The following ZFAT variants were observed in gnomAD, a reference collection of about 807,000 sequenced individuals.
ZFAT encodes zinc finger and AT-hook domain containing.
In ZFAT, 64 loss-of-function variants were observed where a neutral mutation model predicts 117.7. That is an observed-to-expected ratio of 0.54 (90% CI 0.44 to 0.67). The LOEUF (loss-of-function observed/expected upper bound fraction) is 0.67. Among genes scored for constraint, ZFAT ranks in the 30% least tolerant of loss-of-function variants. ZFAT has a pLI of 0.00. For missense variants in ZFAT, 1,433 were observed against 1,584.5 expected (o/e 0.90, Z 1.62); for synonymous variants, 679 against 615.0 (o/e 1.10, Z -1.54).
chr8:134,698,187 G>A (rs542948961), intron 1 of ZFAT, among the ~76,000 whole-genome samples: 9 of 152,124 alleles, frequency 5.9e-5, no homozygotes, highest in South Asian at 4.2e-4. Flanking sequence ...TTAGCTGTGC[G>A]TGGTGGCAGA....
intron 12 of ZFAT, among the ~76,000 whole-genome samples, chr8:134,530,561 G>C (rs16905166): frequency 0.013 from 1,909 of 152,276 alleles, 36 homozygotes; most frequent in African/African-American, 0.044. Context: ...GGCCTCTTAA[G>C]AGTCAAGAGA....
intron 1 of ZFAT, among the ~76,000 whole-genome samples, chr8:134,685,004 A>T (rs1833250867): frequency 6.6e-6 from 1 of 152,204 alleles, no homozygotes; most frequent in Non-Finnish European, 1.5e-5. Context: ...ACTTCATGGC[A>T]CAAAGTGGCA....
chr8:134,690,703 T>A (rs1833545273), intron 1 of ZFAT, among the ~76,000 whole-genome samples: 1 of 152,006 alleles, frequency 6.6e-6, no homozygotes, highest in African/African-American at 2.4e-5. Flanking sequence ...CCTCAACCCA[T>A]CCCCAGCCTA....
At chr8:134,560,696 T>C (rs1204002315) in intron 11 of ZFAT, among the ~76,000 whole-genome samples, 1 of 152,150 alleles carries the variant, frequency 6.6e-6, no homozygotes, top group South Asian at 2.1e-4. Flanking sequence ...AAGAGTTGAA[T>C]AGCTAGATGG....
chr8:134,502,990 C>T (rs1819108140), intron 15 of ZFAT, among the ~76,000 whole-genome samples: 1 of 152,172 alleles, frequency 6.6e-6, no homozygotes, highest in Non-Finnish European at 1.5e-5. Context: ...TGTGTGACAC[C>T]CCATCCCCAC....
At chr8:134,565,288 CCTT>C in intron 11 of ZFAT, 42 bp downstream of exon 11, 1 of 1,610,458 alleles carries the variant, frequency 6.2e-7, no homozygotes, top group East Asian at 2.2e-5. Flanking sequence ...AAAAGCAACG[CCTT>C]TTTTGTCTGA....
the ZFAT span, among the ~76,000 whole-genome samples, chr8:134,776,667 C>A: frequency 6.6e-6 from 1 of 152,134 alleles, no homozygotes; most frequent in Non-Finnish European, 1.5e-5. Context: ...ACGTACGAAG[C>A]CACAGGAAGA....
At chr8:134,628,807 A>G (rs1313300933) in intron 3 of ZFAT, among the ~76,000 whole-genome samples, 1 of 152,244 alleles carries the variant, frequency 6.6e-6, no homozygotes, top group Non-Finnish European at 1.5e-5. Context: ...ATGGGAATAA[A>G]AACAGTAACT....
In ZFAT at chr8:134,617,544, G is replaced by A. The variant is rs529998405; in HGVS notation, c.449-6889C>T. Among the ~76,000 whole-genome samples the A allele has an allele frequency of 2.6e-5, 4 of 152,236 alleles. No individual in the cohort carries two copies. The East Asian group carries it at 5.8e-4, about 22-fold the overall frequency. On this transcript the variant is annotated intron_variant, in intron 3 of 15. Coordinates refer to ENST00000377838, the MANE Select transcript of ZFAT (RefSeq NM_020863.4). ...AGTCTGGGTTCTAATGTAGACTCAG[G>A]GACCCCAAGCCTTTAGGGGCAGATG... is the stretch of plus-strand genomic sequence containing the variant.
At chr8:134,489,786 T>C (rs577506758) in intron 15 of ZFAT, among the ~76,000 whole-genome samples, 1 of 152,326 alleles carries the variant, frequency 6.6e-6, no homozygotes, top group South Asian at 2.1e-4. Context: ...GCATATTTCC[T>C]ACTAGACATA....
the ZFAT span, among the ~76,000 whole-genome samples, chr8:134,812,676 C>G: frequency 2.0e-5 from 3 of 152,172 alleles, no homozygotes; most frequent in African/African-American, 7.2e-5. Flanking sequence ...GCAGAGGTTG[C>G]AGTGAGCCAA....
chr8:134,488,963 A>G (rs1817850620), intron 15 of ZFAT, among the ~76,000 whole-genome samples: 1 of 132,424 alleles, frequency 7.6e-6, no homozygotes, highest in Non-Finnish European at 1.6e-5. Flanking sequence ...ACAAGATGCA[A>G]TGAGATTCAG....
intron 3 of ZFAT, 143 bp from the exon 4 acceptor site, chr8:134,610,798 G>C: frequency 2.2e-6 from 2 of 893,914 alleles, no homozygotes; most frequent in Non-Finnish European, 3.4e-6. Flanking sequence ...AATCACTGTA[G>C]GTACCACGGT....
intron 8 of ZFAT, among the ~76,000 whole-genome samples, chr8:134,589,044 A>G (rs556333514): frequency 1.1e-3 from 175 of 152,332 alleles, no homozygotes; most frequent in African/African-American, 3.9e-3. Flanking sequence ...AAAGAGTTTG[A>G]CAAAATGTGG....
chr8:134,607,364 A>C (rs886951041), intron 5 of ZFAT, among the ~76,000 whole-genome samples: 1 of 152,270 alleles, frequency 6.6e-6, no homozygotes, highest in Non-Finnish European at 1.5e-5. Context: ...ATACCACATG[A>C]TATAATAATA....
the ZFAT span, among the ~76,000 whole-genome samples, chr8:134,754,932 C>T: frequency 1.3e-5 from 2 of 152,178 alleles, no homozygotes; most frequent in African/African-American, 4.8e-5. Flanking sequence ...AGAACAGAGC[C>T]AAGAGATGGG....
At chr8:134,585,197 A>T (rs1400540364) in intron 9 of ZFAT, among the ~76,000 whole-genome samples, 1 of 152,170 alleles carries the variant, frequency 6.6e-6, no homozygotes, top group Non-Finnish European at 1.5e-5. Flanking sequence ...CACTCTCACA[A>T]GAGCAGGGCC....
chr8:134,581,591 CA>C (rs972614654), intron 10 of ZFAT, among the ~76,000 whole-genome samples: 43 of 151,950 alleles, frequency 2.8e-4, no homozygotes, highest in Admixed American at 1.4e-3. Flanking sequence ...TTTTTTTTGG[CA>C]GGGGGGGTGT....
At chr8:134,558,072 T>C (rs928347990) in intron 11 of ZFAT, among the ~76,000 whole-genome samples, 1 of 152,234 alleles carries the variant, frequency 6.6e-6, no homozygotes, top group African/African-American at 2.4e-5. Flanking sequence ...ACTGAAAGCA[T>C]CTTCTGGGTT....
Sources: gnomAD v4.1 joint callset for allele counts (sites outside exome capture counted in the v4.1 genomes callset) on GRCh38, gnomAD v4.1.1 for gene constraint, MANE v1.5 for transcripts, NCBI Gene and HGNC (gene_info 2026-07-23, HGNC 2026-07-21) for gene names.